The following ADAMTSL1 variants were observed in gnomAD, a reference collection of about 807,000 sequenced individuals.
ADAMTSL1 encodes ADAMTS like 1.
A neutral mutation model predicts 201.8 loss-of-function variants in ADAMTSL1; 126 were observed. The ratio of observed to expected loss-of-function variants is 0.62; its 90% CI spans 0.54 to 0.72. The LOEUF is 0.72. ADAMTSL1 is among the 30% of genes least tolerant of loss of function. The probability of loss-of-function intolerance (pLI) is 0.00; values close to 1 mark genes in which losing one functional copy is unlikely to be tolerated. For missense variants in ADAMTSL1, 2,679 were observed against 2,277.8 expected (o/e 1.18, Z -3.59); for synonymous variants, 1,121 against 903.4 (o/e 1.24, Z -4.32).
chr9:18,377,106 G>A (rs2133160280), intron 2 of ADAMTSL1, among the ~76,000 whole-genome samples: 1 of 152,292 alleles, frequency 6.6e-6, no homozygotes, highest in East Asian at 1.9e-4. Flanking sequence ...AATATAGACT[G>A]AGAAGAAGTT....
At chr9:18,166,499 A>T (rs189171979) in intron 2 of ADAMTSL1, among the ~76,000 whole-genome samples, 1 of 152,070 alleles carries the variant, frequency 6.6e-6, no homozygotes, top group East Asian at 1.9e-4. Context: ...TGATAAAAAA[A>T]TATTTGGGAT....
chr9:18,324,594 G>T (rs376565406), intron 2 of ADAMTSL1, among the ~76,000 whole-genome samples: 2 of 151,818 alleles, frequency 1.3e-5, no homozygotes, highest in East Asian at 3.9e-4. Context: ...GTGAAATCTC[G>T]TCTCTACTAA....
At chr9:18,094,347 AC>A (rs1256769540) in intron 1 of ADAMTSL1, among the ~76,000 whole-genome samples, 1 of 152,164 alleles carries the variant, frequency 6.6e-6, no homozygotes, top group Non-Finnish European at 1.5e-5. Context: ...CTGATTACTC[AC>A]CATATATACT....
intron 2 of ADAMTSL1, among the ~76,000 whole-genome samples, chr9:18,364,112 C>A (rs1375818328): frequency 1.3e-5 from 2 of 152,014 alleles, no homozygotes; most frequent in Non-Finnish European, 2.9e-5. Flanking sequence ...AGCTGGAGTC[C>A]ACTGCCAAGC....
At chr9:18,549,689 A>G (rs1820681106) in intron 3 of ADAMTSL1, among the ~76,000 whole-genome samples, 1 of 151,972 alleles carries the variant, frequency 6.6e-6, no homozygotes, top group Non-Finnish European at 1.5e-5. Flanking sequence ...TGCTTTGGTC[A>G]CTGAAATGTG....
At position 18,770,695 on chromosome 9, in the gene ADAMTSL1, T is replaced by G. The variant is rs1820641536; in HGVS notation, c.2311T>G (p.Phe771Val). The change falls in exon 17 of 29, where the codon TTC (phenylalanine) becomes GTC (valine). Residue 771 changes from phenylalanine (F) to valine (V), a missense_variant. By Grantham distance (50) the Phe-to-Val change is conservative (BLOSUM62 -1). Transcript: ENST00000380548. ...DGSFLELPET[F>V]CSASKPACQQ... ...CAGCTTCCTGGAGCTTCCTGAGACC[T>G]TCTGTTCAGCTTCAAAACCTGCCTG... 1.9e-6 allele frequency: 3 copies of G among 1,613,834 alleles called. No individual in the cohort carries two copies. Among genetic ancestry groups the G allele is most frequent in the Non-Finnish European group, 2.5e-6 (3 of 1,179,850 alleles).
intron 26 of ADAMTSL1, among the ~76,000 whole-genome samples, chr9:18,900,082 A>AAG (rs1829914462): frequency 6.6e-6 from 1 of 152,186 alleles, no homozygotes; most frequent in Non-Finnish European, 1.5e-5. Flanking sequence ...ACTTAAAAAA[A>AAG]TTTACAAGAA....
intron 2 of ADAMTSL1, among the ~76,000 whole-genome samples, chr9:18,298,943 C>T (rs1833585739): frequency 2.0e-5 from 3 of 150,422 alleles, no homozygotes; most frequent in East Asian, 2.0e-4. Context: ...ACCCGGGAGG[C>T]GGAGCTTGCA....
At chr9:18,659,272 A>G (rs1048466838) in intron 8 of ADAMTSL1, among the ~76,000 whole-genome samples, 19 of 152,164 alleles carry the variant, frequency 1.2e-4, no homozygotes, top group Non-Finnish European at 2.6e-4. Context: ...ATCTTTACCT[A>G]TGTTGTTTCT....
At chr9:18,788,802 T>C (rs1380274335) in intron 19 of ADAMTSL1, among the ~76,000 whole-genome samples, 1 of 152,080 alleles carries the variant, frequency 6.6e-6, no homozygotes, top group Admixed American at 6.5e-5. Context: ...GCTCCTGAGT[T>C]CACTGTTTTC....
intron 10 of ADAMTSL1, among the ~76,000 whole-genome samples, chr9:18,679,260 T>C (rs563262020): frequency 1.4e-4 from 22 of 152,334 alleles, no homozygotes; most frequent in Admixed American, 3.9e-4. Flanking sequence ...AGTGACATTT[T>C]GTTTCTCTCA....
chr9:18,772,884 G>A (rs117239672), intron 17 of ADAMTSL1, among the ~76,000 whole-genome samples: 2 of 152,170 alleles, frequency 1.3e-5, no homozygotes, highest in Non-Finnish European at 2.9e-5. Context: ...CTTATCCAAC[G>A]AATGTTACTA....
At chr9:18,806,387 T>G (rs983701182) in intron 20 of ADAMTSL1, among the ~76,000 whole-genome samples, 4 of 152,210 alleles carry the variant, frequency 2.6e-5, no homozygotes, top group East Asian at 1.9e-4. Context: ...ATTATCTAGC[T>G]GTGTGCACAG....
chr9:18,338,207 G>A (rs1407041173), intron 2 of ADAMTSL1, among the ~76,000 whole-genome samples: 1 of 151,992 alleles, frequency 6.6e-6, no homozygotes, highest in East Asian at 1.9e-4. Flanking sequence ...TCAAGCCACT[G>A]ACCCTTAACT....
At chr9:18,684,178 A>G (rs770076513) in intron 12 of ADAMTSL1, among the ~76,000 whole-genome samples, 4 of 152,198 alleles carry the variant, frequency 2.6e-5, no homozygotes, top group African/African-American at 4.8e-5. Context: ...ACATATTCCA[A>G]TTGTCAGTGA....
At chr9:18,752,601 T>C (rs1163658622) in intron 15 of ADAMTSL1, among the ~76,000 whole-genome samples, 3 of 152,198 alleles carry the variant, frequency 2.0e-5, no homozygotes, top group African/African-American at 7.2e-5. Context: ...AACGTACTTC[T>C]CAAGTCTTGG....
At chr9:18,220,297 G>T (rs1214403084) in intron 2 of ADAMTSL1, among the ~76,000 whole-genome samples, 1 of 152,098 alleles carries the variant, frequency 6.6e-6, no homozygotes, top group Non-Finnish European at 1.5e-5. Context: ...TTAAGTACAG[G>T]AGGGTTCAGA....
chr9:18,217,213 C>T (rs139859222), intron 2 of ADAMTSL1, among the ~76,000 whole-genome samples: 2 of 152,154 alleles, frequency 1.3e-5, no homozygotes. Flanking sequence ...ACAGAAATGA[C>T]AGCTAATAAA....
chr9:17,949,102 A>G (rs1827628980), intron 1 of ADAMTSL1, among the ~76,000 whole-genome samples: 1 of 152,238 alleles, frequency 6.6e-6, no homozygotes, highest in South Asian at 2.1e-4. Flanking sequence ...GTTAAAGCAT[A>G]TATAGCTCCT....
Sources: allele counts gnomAD v4.1 joint callset (sites outside exome capture counted in the v4.1 genomes callset), GRCh38; gene constraint gnomAD v4.1.1; transcripts MANE v1.5; gene names NCBI Gene and HGNC (gene_info 2026-07-23, HGNC 2026-07-21).